RALGAPA1: variants seen among roughly 807,000 people sequenced by gnomAD.
RALGAPA1 encodes ral GTPase-activating protein subunit alpha-1.
RALGAPA1 carries 52 observed loss-of-function variants against 269.6 expected under a neutral mutation model. That is an observed-to-expected ratio of 0.19 (90% CI 0.15 to 0.24). The LOEUF is 0.24. RALGAPA1 is among the 10% of genes least tolerant of loss of function. The pLI is 1.00. For synonymous variants in RALGAPA1, 817 were observed against 1,008.3 expected (o/e 0.81, Z 3.60); for missense variants, 1,917 against 3,013.9 (o/e 0.64, Z 8.52).
chr14:35,794,152 T>G (rs568155272), intron 1 of RALGAPA1, among the ~76,000 whole-genome samples: 10 of 152,218 alleles, frequency 6.6e-5, no homozygotes, highest in South Asian at 4.1e-4. Flanking sequence ...GTATACAGGA[T>G]TACTAACACT....
chr14:35,723,648 A>G (rs1212824809), intron 14 of RALGAPA1: 1 of 154,356 alleles, frequency 6.5e-6, no homozygotes, highest in African/African-American at 2.4e-5. Context: ...GATGGAAATC[A>G]CTAACTACAA....
intron 31 of RALGAPA1, among the ~76,000 whole-genome samples, chr14:35,637,119 C>T (rs143332157): frequency 1.1e-4 from 17 of 152,292 alleles, no homozygotes; most frequent in African/African-American, 3.8e-4. Flanking sequence ...CAAACCCAGA[C>T]TGCGAAGACT....
chr14:35,776,828 C>T (rs1233349816), intron 1 of RALGAPA1, among the ~76,000 whole-genome samples: 1 of 152,060 alleles, frequency 6.6e-6, no homozygotes, highest in African/African-American at 2.4e-5. Flanking sequence ...ATGTAACAAA[C>T]CTGCACGTTG....
At chr14:35,808,257 T>A (rs1231948256) in intron 1 of RALGAPA1, among the ~76,000 whole-genome samples, 1 of 152,232 alleles carries the variant, frequency 6.6e-6, no homozygotes, top group East Asian at 1.9e-4. Flanking sequence ...TTCCCACAGC[T>A]TTTTGGGAAC....
chr14:35,612,755 G>T (rs1024735451), intron 35 of RALGAPA1, among the ~76,000 whole-genome samples: 1 of 152,050 alleles, frequency 6.6e-6, no homozygotes, highest in African/African-American at 2.4e-5. Flanking sequence ...AGCCAGGATG[G>T]TCTCGATCTC....
chr14:35,605,129 TA>T (rs905149662), intron 36 of RALGAPA1, among the ~76,000 whole-genome samples: 13 of 152,146 alleles, frequency 8.5e-5, no homozygotes, highest in South Asian at 8.3e-4. Context: ...TTGGGATGGG[TA>T]AGCAGTATGC....
chr14:35,661,707 T>C (rs2063547695), intron 27 of RALGAPA1, among the ~76,000 whole-genome samples: 1 of 152,178 alleles, frequency 6.6e-6, no homozygotes, highest in Non-Finnish European at 1.5e-5. Flanking sequence ...TCATATACAA[T>C]GTAAGTTCCT....
chr14:35,629,505 T>A (rs552621090), intron 33 of RALGAPA1, among the ~76,000 whole-genome samples: 4 of 152,138 alleles, frequency 2.6e-5, no homozygotes, highest in South Asian at 2.1e-4. Context: ...TATTTATTTA[T>A]TTATTTTTTT....
chr14:35,558,105 A>G (rs1227594172), intron 39 of RALGAPA1, among the ~76,000 whole-genome samples: 1 of 152,188 alleles, frequency 6.6e-6, no homozygotes, highest in African/African-American at 2.4e-5. Flanking sequence ...ATATTTCATA[A>G]AAAAGGAAAC....
At chr14:35,616,072 C>G (rs1205768941) in intron 35 of RALGAPA1, among the ~76,000 whole-genome samples, 1 of 151,768 alleles carries the variant, frequency 6.6e-6, no homozygotes, top group East Asian at 1.9e-4. Context: ...CAAGAAGAGA[C>G]AGAGTTGAGA....
chr14:35,619,056 A>G (rs1343897354), intron 35 of RALGAPA1, among the ~76,000 whole-genome samples: 1 of 152,136 alleles, frequency 6.6e-6, no homozygotes, highest in East Asian at 1.9e-4. Flanking sequence ...GAGACTATCA[A>G]AGAAAAGAGG....
intron 10 of RALGAPA1, among the ~76,000 whole-genome samples, chr14:35,745,689 G>A (rs773512485): frequency 3.3e-5 from 5 of 150,250 alleles, no homozygotes; most frequent in Non-Finnish European, 4.4e-5. Context: ...ACTTGAACCC[G>A]GGAGGCAGAG....
intron 4 of RALGAPA1, among the ~76,000 whole-genome samples, chr14:35,770,370 T>C (rs940911748): frequency 1.3e-5 from 2 of 152,064 alleles, no homozygotes; most frequent in East Asian, 3.8e-4. Context: ...AATGCAAGAA[T>C]GTCTGCTCTT....
chr14:35,557,225 T>A (rs2055710868), intron 39 of RALGAPA1, among the ~76,000 whole-genome samples: 1 of 151,006 alleles, frequency 6.6e-6, no homozygotes, highest in Admixed American at 6.6e-5. Context: ...TATAATGTCC[T>A]CTCATTTAAT....
At chr14:35,759,768 T>A (rs2073540222) in intron 6 of RALGAPA1, among the ~76,000 whole-genome samples, 1 of 151,578 alleles carries the variant, frequency 6.6e-6, no homozygotes, top group Admixed American at 6.6e-5. Context: ...AAAAATTAGC[T>A]GGGCATGGTG....
intron 38 of RALGAPA1, among the ~76,000 whole-genome samples, chr14:35,572,151 C>A (rs2057253869): frequency 6.6e-6 from 1 of 152,008 alleles, no homozygotes. Context: ...CATTTATTGA[C>A]ATGACTAATA....
intron 12 of RALGAPA1, among the ~76,000 whole-genome samples, chr14:35,737,316 G>T (rs1053520617): frequency 3.3e-5 from 5 of 152,232 alleles, no homozygotes; most frequent in Non-Finnish European, 7.3e-5. Context: ...AACACTACTA[G>T]AGGGAATGTA....
At chr14:35,584,978 G>A (rs2058186072) in intron 37 of RALGAPA1, among the ~76,000 whole-genome samples, 1 of 152,024 alleles carries the variant, frequency 6.6e-6, no homozygotes, top group Non-Finnish European at 1.5e-5. Context: ...TAGACTAAAA[G>A]TAAAAAGATA....
At chr14:35,758,160 G>A (rs1177561336) in intron 6 of RALGAPA1, among the ~76,000 whole-genome samples, 8 of 146,878 alleles carry the variant, frequency 5.4e-5, no homozygotes, top group Admixed American at 7.0e-5. Flanking sequence ...CACGAGAATC[G>A]CTTGAACTGG....
Sources: gnomAD v4.1 joint callset for allele counts (sites outside exome capture counted in the v4.1 genomes callset) on GRCh38, gnomAD v4.1.1 for gene constraint, MANE v1.5 for transcripts, NCBI Gene and HGNC (gene_info 2026-07-23, HGNC 2026-07-21) for gene names.